The following COL18A1 variants were observed in gnomAD, a reference collection of about 807,000 sequenced individuals.
COL18A1 encodes collagen alpha-1(XVIII) chain.
COL18A1 carries 133 observed loss-of-function variants against 168.0 expected under a neutral mutation model. The ratio of observed to expected loss-of-function variants is 0.79; its 90% CI spans 0.69 to 0.91. The LOEUF (loss-of-function observed/expected upper bound fraction) is 0.91, where lower values mean the gene tolerates loss of function less well. COL18A1 is among the 40% of genes least tolerant of loss of function. The probability of loss-of-function intolerance (pLI) is 0.00; values close to 1 mark genes in which losing one functional copy is unlikely to be tolerated. For synonymous variants in COL18A1, 949 were observed against 809.0 expected (o/e 1.17, Z -2.94); for missense variants, 2,126 against 1,925.4 (o/e 1.10, Z -1.95).
chr21:45,456,974 C>G (rs1352189914), intron 2 of COL18A1: 11 of 1,061,628 alleles, frequency 1.0e-5, no homozygotes, highest in Non-Finnish European at 1.4e-5. Flanking sequence ...CAGGTTCCCC[C>G]CACATCGAAT....
chr21:45,464,637 G>T (rs2035142976), intron 2 of COL18A1, among the ~76,000 whole-genome samples: 2 of 152,162 alleles, frequency 1.3e-5, no homozygotes, highest in Admixed American at 6.5e-5. Context: ...GTCAGGGCTG[G>T]GTCCCTCTGG....
At chr21:45,503,754 C>T (rs550879457) in intron 32 of COL18A1, among the ~76,000 whole-genome samples, 351 of 151,714 alleles carry the variant, frequency 2.3e-3, no homozygotes, top group South Asian at 0.01. Flanking sequence ...ACCTGCACAT[C>T]ATGCACATGT....
chr21:45,456,736 G>A (rs1014877461), intron 2 of COL18A1: 7 of 1,515,872 alleles, frequency 4.6e-6, no homozygotes, highest in Middle Eastern at 1.7e-4. Flanking sequence ...GCGTCCCGCC[G>A]CCCGCCCCGC....
chr21:45,405,293 GGGGTCGCGGGGGTCGCGGGGCTCGGCC>G (rs1484045380), intron 1 of COL18A1, 52 bp downstream of exon 1: 5 of 837,486 alleles, frequency 6.0e-6, no homozygotes, highest in South Asian at 1.1e-4. Context: ...TGCGGCTGCG[GGGGTCGCGGGGGTCGCGGGGCTCGGCC>G]GGGTCCTGCG....
At chr21:45,465,740 C>T (rs1472714128) in intron 2 of COL18A1, among the ~76,000 whole-genome samples, 2 of 152,144 alleles carry the variant, frequency 1.3e-5, no homozygotes, top group African/African-American at 4.8e-5. Context: ...ACTCCAGGCC[C>T]TGTGCCCCGA....
intron 32 of COL18A1, among the ~76,000 whole-genome samples, chr21:45,501,577 A>G (rs1360555756): frequency 1.3e-5 from 2 of 152,154 alleles, no homozygotes; most frequent in Admixed American, 1.3e-4. Context: ...AGGTGCGTCC[A>G]GGGCATCCTC....
intron 22 of COL18A1, 149 bp from the exon 23 acceptor site, chr21:45,492,386 G>C (rs1449336838): frequency 6.4e-6 from 6 of 937,134 alleles, no homozygotes; most frequent in African/African-American, 1.6e-5. Flanking sequence ...TGTGCTGCAG[G>C]AGGGATGCCC....
At chr21:45,500,253 G>T (rs2036709599) in intron 32 of COL18A1, among the ~76,000 whole-genome samples, 1 of 145,640 alleles carries the variant, frequency 6.9e-6, no homozygotes, top group Non-Finnish European at 1.5e-5. Context: ...TGTGTGGAGT[G>T]TGCATATGTG....
chr21:45,441,563 A>G (rs2034370762), intron 2 of COL18A1, among the ~76,000 whole-genome samples: 1 of 151,990 alleles, frequency 6.6e-6, no homozygotes, highest in African/African-American at 2.4e-5. Context: ...GGCTCTGGCC[A>G]TGGTTCCCGT....
chr21:45,477,479 G>A lies in COL18A1; in HGVS notation c.997G>A (p.Val333Met), dbSNP rs367882523. ...DGSVRTPGGR[V>M]KEGGLKGQKG... ...GAGTGTCCGGACCCCTGGGGGCCGCGTGAAAGAGGTAAGGCCACCTCCCTG... is the reference window on the plus strand; with the variant it reads ...GAGTGTCCGGACCCCTGGGGGCCGCATGAAAGAGGTAAGGCCACCTCCCTG... Residue 333 changes from valine to methionine, a missense_variant, in exon 7 of 42, where the codon GTG becomes ATG. Coordinates refer to ENST00000651438, the MANE Select transcript of COL18A1 (RefSeq NM_001379500.1). 126 of 1,609,470 alleles carry A rather than the reference G, an allele frequency of 7.8e-5. No individual in the cohort carries two copies. The highest frequency in any genetic ancestry group is 1.0e-4 in the Non-Finnish European group (121 of 1,178,022).
Position 45,495,435 on chromosome 21 carries a change from G to A in COL18A1, c.2508+3G>A. 3 of 1,606,266 alleles carry A rather than the reference G, an allele frequency of 1.9e-6. No homozygotes were observed. Among genetic ancestry groups the A allele is most frequent in the South Asian group, 1.1e-5 (1 of 89,852 alleles). On this transcript the variant is annotated splice_donor_region_variant and intron_variant, in intron 29 of 41. Transcript: ENST00000651438. ...CCAGCCTTGGATTTGGCATGAGGGT[G>A]AGTGTCTCTCAAGGGGCGGACTGGG... is the stretch of plus-strand genomic sequence containing the variant.
intron 2 of COL18A1, among the ~76,000 whole-genome samples, chr21:45,433,530 G>A (rs920329084): frequency 2.6e-5 from 4 of 152,202 alleles, no homozygotes; most frequent in African/African-American, 4.8e-5. Context: ...AACAGATGCC[G>A]GCCCAGGGCC....
At chr21:45,511,988 G>C (rs1489311007) in intron 41 of COL18A1, among the ~76,000 whole-genome samples, 200 bp from the exon 42 acceptor site, 1 of 152,108 alleles carries the variant, frequency 6.6e-6, no homozygotes, top group East Asian at 1.9e-4. Flanking sequence ...GAAGCAGCAT[G>C]GGGGGCAGTC....
rs1264699266 is a variant in COL18A1 at position 45,511,105 on chromosome 21, T to C, written c.3694-6T>C. 3.3e-6 allele frequency: 5 copies of C among 1,512,048 alleles called. No homozygotes were observed. Among genetic ancestry groups the C allele is most frequent in the Non-Finnish European group, 4.5e-6 (5 of 1,111,440 alleles). The allele number at this position is 1,512,048 out of a possible 1,614,324, so 93.7% of individuals were successfully genotyped here. A position where few individuals can be genotyped will look rare whatever the true frequency, so the allele number is the denominator to read the frequency against. Reference sequence around the variant, plus strand: ...CACACACACATACACACGGTTTCTCTTCCAGGACGAGCTGCTGTTTCCCAG... The same window carrying C: ...CACACACACATACACACGGTTTCTCCTCCAGGACGAGCTGCTGTTTCCCAG... On this transcript the variant is annotated splice_region_variant and splice_polypyrimidine_tract_variant and intron_variant, in intron 40 of 41. Transcript: ENST00000651438.
At chr21:45,470,535 G>C (rs747786648) in intron 3 of COL18A1, among the ~76,000 whole-genome samples, 2 of 143,182 alleles carry the variant, frequency 1.4e-5, no homozygotes, top group Non-Finnish European at 3.0e-5. Context: ...TGCTCAGGCT[G>C]GAGTGCAATG....
chr21:45,475,798 C>G (rs1249422029), intron 5 of COL18A1, among the ~76,000 whole-genome samples: 4 of 152,374 alleles, frequency 2.6e-5, no homozygotes, highest in African/African-American at 9.6e-5. Flanking sequence ...CCTGCACACT[C>G]CTTGGTCTTC....
intron 2 of COL18A1, among the ~76,000 whole-genome samples, chr21:45,446,304 T>C (rs1228620752): frequency 6.6e-6 from 1 of 152,228 alleles, no homozygotes; most frequent in Non-Finnish European, 1.5e-5. Flanking sequence ...CTTGCGCCAC[T>C]CCCACACTGT....
intron 40 of COL18A1, among the ~76,000 whole-genome samples, 165 bp from the exon 41 acceptor site, chr21:45,510,946 C>CCACACACACACAT (rs1568954049): frequency 3.0e-4 from 17 of 57,428 alleles, no homozygotes; most frequent in African/African-American, 1.5e-3. Flanking sequence ...AAAACACACA[C>CCACACACACACAT]CCACAACACC....
chr21:45,501,192 C>A (rs996093092), intron 32 of COL18A1, among the ~76,000 whole-genome samples: 2 of 151,924 alleles, frequency 1.3e-5, no homozygotes, highest in African/African-American at 4.8e-5. Flanking sequence ...CGGAGCAAGT[C>A]TACCAGAGAA....
Sources: allele counts gnomAD v4.1 joint callset (sites outside exome capture counted in the v4.1 genomes callset), GRCh38; gene constraint gnomAD v4.1.1; transcripts MANE v1.5; gene names NCBI Gene and HGNC (gene_info 2026-07-23, HGNC 2026-07-21).